The following FAM117A variants were observed in gnomAD, a reference collection of about 807,000 sequenced individuals.
FAM117A encodes the protein family with sequence similarity 117 member A.
FAM117A carries 21 observed loss-of-function variants against 44.1 expected under a neutral mutation model. The observed-to-expected ratio is 0.48, with a 90% CI of 0.34 to 0.69. FAM117A has a LOEUF of 0.69. FAM117A is among the 30% of genes least tolerant of loss of function. The pLI is 0.01. For synonymous variants in FAM117A, 220 were observed against 238.3 expected, an observed-to-expected ratio of 0.92 and a Z score of 0.71; for missense variants, 498 against 589.9, an observed-to-expected ratio of 0.84 and a Z score of 1.61.
At chr17:49,777,469 A>C (rs1254385352) in intron 1 of FAM117A, among the ~76,000 whole-genome samples, 1 of 152,122 alleles carries the variant, frequency 6.6e-6, no homozygotes, top group Non-Finnish European at 1.5e-5. Flanking sequence ...AACTGGCTGG[A>C]ATGAGGTTAA....
intron 1 of FAM117A, among the ~76,000 whole-genome samples, chr17:49,778,886 GCA>G (rs911795072): frequency 4.6e-5 from 7 of 152,228 alleles, no homozygotes; most frequent in African/African-American, 1.7e-4. Context: ...ATGAAGAAAA[GCA>G]CAGTGTGCAA....
At chr17:49,716,063 G>A in intron 7 of FAM117A, 102 bp downstream of exon 7, 1 of 1,335,670 alleles carries the variant, frequency 7.5e-7, no homozygotes, top group East Asian at 2.4e-5. Flanking sequence ...ATCATCTAAA[G>A]TTGACAACAC....
At chr17:49,785,160 G>C (rs1174049592) in intron 1 of FAM117A, among the ~76,000 whole-genome samples, 2 of 152,182 alleles carry the variant, frequency 1.3e-5, no homozygotes. Flanking sequence ...TTACAACCTT[G>C]TGAGGTGGCT....
intron 1 of FAM117A, among the ~76,000 whole-genome samples, chr17:49,771,116 A>G (rs1339156001): frequency 6.6e-6 from 1 of 150,796 alleles, no homozygotes; most frequent in East Asian, 2.0e-4. Context: ...CTGAGGCAGA[A>G]GAATCGTTTG....
upstream of FAM117A, among the ~76,000 whole-genome samples, chr17:49,766,257 A>G (rs2073745696): frequency 6.6e-6 from 1 of 152,228 alleles, no homozygotes; most frequent in Admixed American, 6.5e-5. Flanking sequence ...ACACAGGATT[A>G]CTGTTCACAT....
chr17:49,775,004 C>T (rs2073771851), intron 1 of FAM117A, among the ~76,000 whole-genome samples: 1 of 151,998 alleles, frequency 6.6e-6, no homozygotes, highest in Admixed American at 6.6e-5. Context: ...TACTTCTCAC[C>T]CCACCCTCTG....
intron 1 of FAM117A, among the ~76,000 whole-genome samples, chr17:49,742,257 T>C (rs2073637532): frequency 6.6e-6 from 1 of 152,194 alleles, no homozygotes; most frequent in African/African-American, 2.4e-5. Flanking sequence ...TCTGGCTGTG[T>C]GTCCGACTTC....
chr17:49,734,700 ACTCC>A (rs2073602845), intron 1 of FAM117A, among the ~76,000 whole-genome samples: 1 of 152,188 alleles, frequency 6.6e-6, no homozygotes, highest in African/African-American at 2.4e-5. Context: ...CAGCAGTTCC[ACTCC>A]TAGGTATATA....
At chr17:49,774,252 C>A (rs950886777) in intron 1 of FAM117A, among the ~76,000 whole-genome samples, 5 of 152,102 alleles carry the variant, frequency 3.3e-5, no homozygotes, top group Non-Finnish European at 5.9e-5. Context: ...CTCAAGCAAT[C>A]CTCCTCCCAC....
intron 7 of FAM117A, among the ~76,000 whole-genome samples, 175 bp from the exon 8 acceptor site, chr17:49,711,730 T>C (rs1007013988): frequency 6.6e-6 from 1 of 152,116 alleles, no homozygotes; most frequent in Admixed American, 6.5e-5. Context: ...TAAAAAAATA[T>C]GGCTAAACAA....
chr17:49,766,376 A>T (rs1482674355), upstream of FAM117A, among the ~76,000 whole-genome samples: 1 of 152,252 alleles, frequency 6.6e-6, no homozygotes, highest in African/African-American at 2.4e-5. Context: ...TTATCACAAT[A>T]GGCATGTAAG....
intron 2 of FAM117A, among the ~76,000 whole-genome samples, chr17:49,722,947 G>C (rs762246736): frequency 9.2e-5 from 14 of 152,148 alleles, no homozygotes; most frequent in African/African-American, 3.1e-4. Flanking sequence ...ATAGGCTCAG[G>C]CTCCGGGAAT....
In FAM117A at chr17:49,783,009, C is replaced by T. The variant is rs548418149; in HGVS notation, c.-621+5488G>A. On this transcript the variant is annotated intron_variant, in intron 1 of 7. Transcript: ENST00000513602. ...TGTCTCAGCCCATGGTGACCGGGTA[C>T]TTTCCACCCCGGCAAATAGAGCAAT... is the stretch of plus-strand genomic sequence containing the variant. Among the ~76,000 whole-genome samples the T allele has an allele frequency of 9.8e-5, 15 of 152,334 alleles. 1 individual carries two copies. The South Asian group carries it at 2.7e-3, about 27-fold the overall frequency.
At chr17:49,719,192 C>T (rs1330133990) in intron 5 of FAM117A, among the ~76,000 whole-genome samples, 3 of 151,606 alleles carry the variant, frequency 2.0e-5, no homozygotes, top group South Asian at 2.1e-4. Flanking sequence ...ACCCGGGAGG[C>T]GGAGGTTGCG....
intron 4 of FAM117A, 111 bp from the exon 5 acceptor site, chr17:49,720,005 A>C (rs922649419): frequency 4.2e-6 from 6 of 1,422,116 alleles, no homozygotes; most frequent in Non-Finnish European, 5.6e-6. Context: ...GAGTGAATGA[A>C]GGGTGATTTG....
At chr17:49,749,217 C>CTA (rs1319746220) in intron 1 of FAM117A, among the ~76,000 whole-genome samples, 1 of 151,924 alleles carries the variant, frequency 6.6e-6, no homozygotes, top group Non-Finnish European at 1.5e-5. Flanking sequence ...CAGATCTCGA[C>CTA]TATATATATA....
At chr17:49,754,218 G>C (rs548995179) in intron 1 of FAM117A, among the ~76,000 whole-genome samples, 3 of 151,776 alleles carry the variant, frequency 2.0e-5, no homozygotes, top group African/African-American at 7.2e-5. Flanking sequence ...CCACCAGCCT[G>C]CAGCTGTGGG....
intron 1 of FAM117A, among the ~76,000 whole-genome samples, chr17:49,770,991 G>A (rs994240326): frequency 2.5e-4 from 38 of 152,140 alleles, no homozygotes; most frequent in African/African-American, 8.9e-4. Context: ...TGAATCACTT[G>A]AGGTCAGGAG....
upstream of FAM117A, among the ~76,000 whole-genome samples, chr17:49,764,864 G>T (rs1049331500): frequency 2.0e-5 from 3 of 152,000 alleles, no homozygotes; most frequent in African/African-American, 7.3e-5. Flanking sequence ...ACAATTGCTA[G>T]CCTGTAAATT....
Sources: gnomAD v4.1 joint callset for allele counts (sites outside exome capture counted in the v4.1 genomes callset) on GRCh38, gnomAD v4.1.1 for gene constraint, MANE v1.5 for transcripts, NCBI Gene and HGNC (gene_info 2026-07-23, HGNC 2026-07-21) for gene names.